The following KDM4C variants were observed in gnomAD, a reference collection of about 807,000 sequenced individuals.
KDM4C encodes lysine-specific demethylase 4C.
Under a neutral mutation model 129.3 loss-of-function variants are expected in KDM4C, and 81 were observed. The ratio of observed to expected loss-of-function variants is 0.63; its 90% CI spans 0.52 to 0.75. The LOEUF is 0.75. Among genes scored for constraint, KDM4C ranks in the 30% least tolerant of loss-of-function variants. The pLI is 0.00. For synonymous variants in KDM4C, 573 were observed against 456.1 expected, an observed-to-expected ratio of 1.26 and a Z score of -3.26; for missense variants, 1,457 against 1,304.0, an observed-to-expected ratio of 1.12 and a Z score of -1.81.
At chr9:6,853,390 G>A (rs1203191409) in intron 5 of KDM4C, among the ~76,000 whole-genome samples, 1 of 152,148 alleles carries the variant, frequency 6.6e-6, no homozygotes, top group East Asian at 1.9e-4. Context: ...TGATCGGAAG[G>A]CTGAGGTGAG....
intron 4 of KDM4C, among the ~76,000 whole-genome samples, chr9:6,817,694 TG>T (rs1473608552): frequency 6.6e-6 from 1 of 150,660 alleles, no homozygotes; most frequent in Non-Finnish European, 1.5e-5. Flanking sequence ...TGTAGGAAAA[TG>T]GAAAAATACA....
upstream of KDM4C, among the ~76,000 whole-genome samples, chr9:6,755,245 C>A (rs1009674344): frequency 6.6e-6 from 1 of 152,200 alleles, no homozygotes; most frequent in Admixed American, 6.5e-5. Context: ...GTAGCACGCG[C>A]CTGTAGTCCC....
At chr9:6,981,157 G>A (rs759284716) in intron 9 of KDM4C, 39 bp downstream of exon 9, 24 of 1,529,304 alleles carry the variant, frequency 1.6e-5, no homozygotes, top group African/African-American at 2.8e-5. Flanking sequence ...CTTGCCTGTC[G>A]TGTTTTCTCA....
intron 8 of KDM4C, among the ~76,000 whole-genome samples, chr9:6,960,835 C>T (rs1333337433): frequency 1.4e-5 from 2 of 142,718 alleles, no homozygotes; most frequent in African/African-American, 5.3e-5. Flanking sequence ...TGCCTTCAGG[C>T]ATTCTCAAAT....
intron 18 of KDM4C, among the ~76,000 whole-genome samples, chr9:7,111,478 A>C (rs1234171427): frequency 6.6e-6 from 1 of 152,118 alleles, no homozygotes; most frequent in Non-Finnish European, 1.5e-5. Flanking sequence ...TTTTTTTTTA[A>C]CAGATGAGGA....
At chr9:6,742,282 G>A (rs1189204752) in intron 1 of KDM4C, among the ~76,000 whole-genome samples, 2 of 151,734 alleles carry the variant, frequency 1.3e-5, no homozygotes, top group African/African-American at 4.9e-5. Context: ...CCAGAGTGCT[G>A]GAATGCAGTG....
At chr9:7,081,960 T>A (rs1261654106) in intron 17 of KDM4C, among the ~76,000 whole-genome samples, 3 of 152,146 alleles carry the variant, frequency 2.0e-5, no homozygotes, top group Non-Finnish European at 4.4e-5. Context: ...GCTAATGGAC[T>A]TTTTAGAAAG....
chr9:7,069,085 C>A (rs1364680572), intron 17 of KDM4C, among the ~76,000 whole-genome samples: 1 of 152,238 alleles, frequency 6.6e-6, no homozygotes, highest in East Asian at 1.9e-4. Flanking sequence ...ATAATAGTAG[C>A]TTTTAACATT....
intron 17 of KDM4C, among the ~76,000 whole-genome samples, chr9:7,058,518 G>C (rs1462009890): frequency 6.6e-6 from 1 of 152,132 alleles, no homozygotes. Flanking sequence ...GCTCTCAGGA[G>C]CTTGTACAAG....
At chr9:6,875,364 C>A (rs148703617) in intron 5 of KDM4C, among the ~76,000 whole-genome samples, 2 of 152,154 alleles carry the variant, frequency 1.3e-5, no homozygotes, top group East Asian at 1.9e-4. Context: ...ATTGTTGATA[C>A]AACAAGAGAG....
At chr9:6,866,968 T>C (rs1193895360) in intron 5 of KDM4C, among the ~76,000 whole-genome samples, 1 of 64,754 alleles carries the variant, frequency 1.5e-5, no homozygotes, top group African/African-American at 4.1e-5. Context: ...TAAAAATATA[T>C]GTTTGTGTGT....
rs1404375922 is a variant in KDM4C, at chr9:6,986,877, G to A, written c.1677+211G>A. Reference sequence around the variant, plus strand: ...GATAATTTAGCACATGGAGCTTATGGCCACGTGTCGATGCTTGATTTTCTT... The same window carrying A: ...GATAATTTAGCACATGGAGCTTATGACCACGTGTCGATGCTTGATTTTCTT... On this transcript the variant is annotated intron_variant, in intron 11 of 21. Coordinates refer to ENST00000381309, the MANE Select transcript of KDM4C (RefSeq NM_015061.6). 44 of 466,604 alleles carry A rather than the reference G, an allele frequency of 9.4e-5. No homozygotes were observed. The East Asian group carries it at 1.4e-3, about 14-fold the overall frequency. 28.9% of individuals were successfully genotyped at this position (466,604 alleles called of 1,614,324 possible). A position where few individuals can be genotyped will look rare whatever the true frequency, so the allele number is the denominator to read the frequency against.
At chr9:6,757,733 A>C, upstream of KDM4C, 1 of 985,624 alleles carries the variant, frequency 1.0e-6, no homozygotes, top group Admixed American at 6.1e-5. Flanking sequence ...CTTCCGGGCA[A>C]GGTTCTGTGC....
At chr9:6,726,154 C>G (rs962645726) in intron 1 of KDM4C, among the ~76,000 whole-genome samples, 7 of 151,828 alleles carry the variant, frequency 4.6e-5, no homozygotes, top group African/African-American at 1.7e-4. Flanking sequence ...GTCTCAAACT[C>G]CTCAGGCAAT....
chr9:6,807,960 C>G (rs1830405472), intron 3 of KDM4C, among the ~76,000 whole-genome samples: 1 of 127,512 alleles, frequency 7.8e-6, no homozygotes, highest in Non-Finnish European at 1.7e-5. Flanking sequence ...AGCCCCCCGC[C>G]CGGCCAGCCG....
intron 9 of KDM4C, 33 bp downstream of exon 9, chr9:6,981,151 C>A: frequency 1.3e-6 from 2 of 1,547,340 alleles, no homozygotes; most frequent in East Asian, 2.3e-5. Flanking sequence ...ACCTGCCTTG[C>A]CTGTCGTGTT....
intron 1 of KDM4C, among the ~76,000 whole-genome samples, chr9:6,737,903 G>A (rs375416850): frequency 2.0e-5 from 3 of 151,818 alleles, no homozygotes; most frequent in Non-Finnish European, 2.9e-5. Context: ...TTGGGAGGCC[G>A]AAGCAGGTGG....
At chr9:7,011,920 C>G in intron 13 of KDM4C, 41 bp downstream of exon 13, 1 of 1,526,294 alleles carries the variant, frequency 6.6e-7, no homozygotes, top group Non-Finnish European at 9.0e-7. Flanking sequence ...ACTGCTCTGC[C>G]TTCCATGTGA....
chr9:7,004,558 C>T (rs1563967387), intron 12 of KDM4C, among the ~76,000 whole-genome samples: 2 of 152,058 alleles, frequency 1.3e-5, no homozygotes, highest in Non-Finnish European at 2.9e-5. Flanking sequence ...AGCATTTCTT[C>T]TAATGTATGC....
Sources: allele counts gnomAD v4.1 joint callset (sites outside exome capture counted in the v4.1 genomes callset), GRCh38; gene constraint gnomAD v4.1.1; transcripts MANE v1.5; gene names NCBI Gene and HGNC (gene_info 2026-07-23, HGNC 2026-07-21).